The following MUC4 variants were observed in gnomAD, a reference collection of about 807,000 sequenced individuals.
MUC4 encodes mucin 4, cell surface associated, also known as mucin-4.
MUC4 carries 202 observed loss-of-function variants against 257.9 expected under a neutral mutation model. That is an observed-to-expected ratio of 0.78 (90% CI 0.70 to 0.88). The LOEUF is 0.88. MUC4 is among the 40% of genes least tolerant of loss of function. MUC4 has a pLI of 0.00. For synonymous variants in MUC4, 2,351 were observed against 2,757.1 expected, an observed-to-expected ratio of 0.85 and a Z score of 4.62; for missense variants, 5,976 against 6,513.7, an observed-to-expected ratio of 0.92 and a Z score of 2.84.
chr3:195,760,769 G>A (rs1357202342), intron 16 of MUC4, 115 bp downstream of exon 16: 2 of 848,598 alleles, frequency 2.4e-6, no homozygotes, highest in Non-Finnish European at 1.9e-6. Context: ...AATGCCAGGA[G>A]TGGAAGAATC....
chr3:195,801,214 C>T (rs73891113), intron 1 of MUC4, among the ~76,000 whole-genome samples: 13,939 of 152,192 alleles, frequency 0.092, 688 homozygotes, highest in Middle Eastern at 0.21. Context: ...CTTCAGGTTC[C>T]GTCAGATTGT....
At chr3:195,764,907 G>C (rs571140603) in intron 10 of MUC4, 90 bp downstream of exon 10, 1 of 1,521,720 alleles carries the variant, frequency 6.6e-7, no homozygotes, top group East Asian at 2.3e-5. Context: ...GAGAGGGGAA[G>C]GGTCTGGGAA....
chr3:195,795,495 T>C (rs74548545), intron 1 of MUC4, among the ~76,000 whole-genome samples: 2,293 of 152,180 alleles, frequency 0.015, 27 homozygotes, highest in South Asian at 0.03. Context: ...TGTTTTCTAA[T>C]GCAGAGGTGA....
intron 1 of MUC4, chr3:195,809,571 AG>A (rs148227609): frequency 0.015 from 2,338 of 152,496 alleles, 31 homozygotes; most frequent in Non-Finnish European, 0.026. Flanking sequence ...CAAAGGACTC[AG>A]CGCTCCACGA....
rs753961736 is a variant in MUC4 at position 195,782,199 on chromosome 3, G to A, written c.9381C>T (p.Ser3127=). Residue 3127 remains serine, a synonymous_variant, in exon 2 of 25, where the codon TCC becomes TCT. Transcript: ENST00000463781. ...CGGTGGCCTGACCTGTGGATGCTGA[G>A]GAAGTGTCGGTGACAGGAAGAGGGG... The part of the protein sequence containing the change: ...HTTPLPVTDT[S]SASTGQATAL... 2 of 1,388,040 alleles carry A rather than the reference G, an allele frequency of 1.4e-6. No individual in the cohort carries two copies. Among genetic ancestry groups the A allele is most frequent in the Non-Finnish European group, 1.9e-6 (2 of 1,047,944 alleles). The allele number at this position is 1,388,040 out of a possible 1,614,324, so 86.0% of individuals were successfully genotyped here. A position where few individuals can be genotyped will look rare whatever the true frequency, so the allele number is the denominator to read the frequency against.
At chr3:195,767,956 C>T (rs1413668154) in intron 7 of MUC4, among the ~76,000 whole-genome samples, 4 of 151,694 alleles carry the variant, frequency 2.6e-5, no homozygotes, top group Admixed American at 6.6e-5. Flanking sequence ...CCACCACCAC[C>T]ACCACCACCA....
At chr3:195,811,643 T>C in intron 1 of MUC4, 93 bp downstream of exon 1, 1 of 1,095,066 alleles carries the variant, frequency 9.1e-7, no homozygotes, top group African/African-American at 1.5e-5. Context: ...TCTCTCTCTC[T>C]CTCTCTGTCT....
At position 195,788,856 on chromosome 3, in the gene MUC4, G is replaced by C. The variant is rs1240054743; in HGVS notation, c.2724C>G (p.Ala908=). ...PQETAAISRM[A]QTQRTRTSRG... ...TGCTGGTTCTTGTCCTCTGAGTCTG[G>C]GCCATCCGGGAAATGGCGGCTGTCT... is the stretch of plus-strand genomic sequence containing the variant. The change falls in exon 2 of 25, where the codon GCC becomes GCG. Residue 908 remains alanine (A), a synonymous_variant. Transcript: ENST00000463781. 1.2e-6 allele frequency: 2 copies of C among 1,613,830 alleles called. No individual in the cohort carries two copies. The highest frequency in any genetic ancestry group is 1.7e-6 in the Non-Finnish European group (2 of 1,179,834).
rs1429619579 is a variant in MUC4 at position 195,782,861 on chromosome 3, T to C, written c.8719A>G (p.Thr2907Ala). ...ACAGGAAGAGGCGTGGTGTCACCTG[T>C]GGATACTGAGGAAAGGCTGGTGAGA... The part of the protein sequence containing the change: ...LPLTSLSSVS[T>A]GDTTPLPVTD... The change falls in exon 2 of 25, where the codon ACA (threonine) becomes GCA (alanine). Residue 2907 changes from threonine to alanine, a missense_variant. Thr to Ala is a moderately conservative substitution (Grantham distance 58). Coordinates refer to ENST00000463781, the MANE Select transcript of MUC4 (RefSeq NM_018406.7). 2.6e-6 allele frequency: 4 copies of C among 1,522,064 alleles called. No individual in the cohort carries two copies. Among genetic ancestry groups the C allele is most frequent in the Admixed American group, 4.0e-5 (2 of 49,744 alleles). The allele number at this position is 1,522,064 out of a possible 1,614,324, so 94.3% of individuals were successfully genotyped here.
rs538780118 is a variant in MUC4, at chr3:195,770,218, C to T, written c.13396G>A (p.Gly4466Arg). 311 of 1,605,068 alleles carry T rather than the reference C, an allele frequency of 1.9e-4. 4 individuals are homozygous for T. The South Asian group carries it at 3.3e-3, about 17-fold the overall frequency. ...GAGCTGCCCAGGGGTCTACTCACCC[C>T]GAGGGTCCACTGGGCAGGATAGGCG... Reference protein sequence around the residue: ...AHAYPAQWTLGSNTYQAILST... With the variant: ...AHAYPAQWTLRSNTYQAILST... The change falls in exon 6 of 25, where the codon GGG becomes AGG. Residue 4466 changes from glycine to arginine, a missense_variant and splice_region_variant. Gly to Arg is a moderately radical substitution (Grantham distance 125, BLOSUM62 -2). Around this residue, in one of 44 missense-constraint regions of MUC4, gnomAD observed 996 missense variants for 1,137.3 expected, o/e 0.88. Coordinates refer to ENST00000463781, the MANE Select transcript of MUC4 (RefSeq NM_018406.7).
At chr3:195,772,500 T>C (rs76081015) in intron 4 of MUC4, among the ~76,000 whole-genome samples, 117 of 39,600 alleles carry the variant, frequency 3.0e-3, no homozygotes, top group Middle Eastern at 0.026. Context: ...CACCCTCCCT[T>C]CATCGCTCAG....
At chr3:195,767,739 T>TTAC (rs1560264351) in intron 7 of MUC4, among the ~76,000 whole-genome samples, 343 of 3,162 alleles carry the variant, frequency 0.11, 28 homozygotes, top group Non-Finnish European at 0.17. Context: ...ACCACCACCA[T>TTAC]CACCATCGCC....
At chr3:195,754,577 C>T (rs1371122014) in intron 18 of MUC4, among the ~76,000 whole-genome samples, 1 of 152,238 alleles carries the variant, frequency 6.6e-6, no homozygotes, top group East Asian at 1.9e-4. Flanking sequence ...GCCCAGCTGG[C>T]CTCCCTGGGT....
chr3:195,755,350 C>T lies in MUC4; in HGVS notation c.15169-978G>A, dbSNP rs1320986523. Among the ~76,000 whole-genome samples the T allele has an allele frequency of 6.6e-6, 1 of 152,032 alleles. No homozygotes were observed. Among genetic ancestry groups the T allele is most frequent in the Non-Finnish European group, 1.5e-5 (1 of 68,010 alleles). On this transcript the variant is annotated intron_variant, in intron 18 of 24. Coordinates refer to ENST00000463781, the MANE Select transcript of MUC4 (RefSeq NM_018406.7). This position sits in a 1 kb window ranked among gnomAD's most constrained non-coding sequence, Gnocchi z 5.0. Reference sequence around the variant, plus strand: ...ACTTGAGATTACAGGCATATGCCACCACGCCCAGCTAATTTTTTGATTTTT... The same window carrying T: ...ACTTGAGATTACAGGCATATGCCACTACGCCCAGCTAATTTTTTGATTTTT...
chr3:195,803,568 T>C (rs570815086), intron 1 of MUC4, among the ~76,000 whole-genome samples: 2 of 152,370 alleles, frequency 1.3e-5, no homozygotes, highest in East Asian at 3.9e-4. Context: ...ACGTTATGAC[T>C]CTATGAATAA....
At position 195,758,573 on chromosome 3, in the gene MUC4, C is replaced by CTTTTTTT. The variant is rs55860315; in HGVS notation, c.14986+544_14986+550dup. Among the ~76,000 whole-genome samples, 77 of 126,482 alleles carry CTTTTTTT rather than the reference C, an allele frequency of 6.1e-4. 2 individuals carry two copies. Among genetic ancestry groups the CTTTTTTT allele is most frequent in the African/African-American group, 2.2e-3 (71 of 32,114 alleles). 83.0% of individuals were successfully genotyped at this position (126,482 alleles called of 152,430 possible). ...GATTGAGATTAAATGATCTTCAAAT[C>CTTTTTTT]TTTTTTTTGAGACAGAGTCTCGCTC... On this transcript the variant is annotated intron_variant, in intron 17 of 24. Transcript: ENST00000463781.
chr3:195,748,224 C>G (rs1481491628), intron 24 of MUC4, among the ~76,000 whole-genome samples: 1 of 152,274 alleles, frequency 6.6e-6, no homozygotes, highest in African/African-American at 2.4e-5. Context: ...AGGTTCTTTT[C>G]CCACAAGGAG....
In MUC4 at chr3:195,782,275, G is replaced by T. The variant is rs755825791; in HGVS notation, c.9305C>A (p.Thr3102Asn). 2 of 1,537,450 alleles carry T rather than the reference G, an allele frequency of 1.3e-6. No homozygotes were observed. The highest frequency in any genetic ancestry group is 1.8e-6 in the Non-Finnish European group (2 of 1,140,766). Residue 3102 changes from threonine (T) to asparagine (N), a missense_variant, in exon 2 of 25, where the codon ACC becomes AAC. This residue lies in a region of MUC4 where 128 missense variants were observed against 104.8 expected (regional missense o/e 1.22). Transcript: ENST00000463781. ...AGGGCTAGTGACAGGAAGAGGCGTG[G>T]TGTCACCTGTGGATACTGAGGAAAG... ...TSLSSVSTGD[T>N]TPLPVTSPSS...
At chr3:195,747,466 C>T in intron 24 of MUC4, 86 bp from the exon 25 acceptor site, 1 of 1,450,916 alleles carries the variant, frequency 6.9e-7, no homozygotes. Flanking sequence ...AGAAGAGGTT[C>T]TGTAGGAGAG....
Sources: gnomAD v4.1 joint callset for allele counts (sites outside exome capture counted in the v4.1 genomes callset) on GRCh38, gnomAD v4.1.1 for gene constraint, gnomAD v4.1.1 regional missense constraint, Gnocchi (gnomAD v3.1) non-coding constraint, MANE v1.5 for transcripts, NCBI Gene and HGNC (gene_info 2026-07-23, HGNC 2026-07-21) for gene names.